The following RORA variants were observed in gnomAD, a reference collection of about 807,000 sequenced individuals.
RORA encodes RAR related orphan receptor A.
Under a neutral mutation model 69.5 loss-of-function variants are expected in RORA, and 7 were observed. The ratio of observed to expected loss-of-function variants is 0.10; its 90% CI spans 0.06 to 0.19. RORA has a LOEUF of 0.19. RORA is among the 10% of genes least tolerant of loss of function. RORA has a pLI of 1.00. For synonymous variants in RORA, 261 were observed against 240.8 expected (o/e 1.08, Z -0.78); for missense variants, 457 against 663.0 (o/e 0.69, Z 3.41).
chr15:60,614,893 C>A (rs1479077545), intron 2 of RORA: 2 of 1,611,378 alleles, frequency 1.2e-6, no homozygotes. Flanking sequence ...AAATAACGCA[C>A]CTTTTCTCAA....
At chr15:61,139,065 A>G (rs1430260325) in intron 1 of RORA, among the ~76,000 whole-genome samples, 2 of 151,920 alleles carry the variant, frequency 1.3e-5, no homozygotes, top group Non-Finnish European at 2.9e-5. Flanking sequence ...AACGGCACGA[A>G]CCCAGGAGGC....
intron 1 of RORA, among the ~76,000 whole-genome samples, chr15:60,949,961 C>G (rs1893031951): frequency 6.6e-6 from 1 of 152,172 alleles, no homozygotes; most frequent in South Asian, 2.1e-4. Context: ...CAAAGAAGAA[C>G]TTCCCACTCC....
chr15:60,893,888 G>A (rs905805590), intron 1 of RORA, among the ~76,000 whole-genome samples: 6 of 152,162 alleles, frequency 3.9e-5, no homozygotes, highest in African/African-American at 1.4e-4. Flanking sequence ...CCTGCCCAAG[G>A]TTATGTAACT....
chr15:61,179,625 C>T (rs186084047), intron 1 of RORA, among the ~76,000 whole-genome samples: 3 of 152,148 alleles, frequency 2.0e-5, no homozygotes, highest in East Asian at 3.9e-4. Flanking sequence ...AAAGGGGTCA[C>T]GAGATCAAAA....
intron 2 of RORA, among the ~76,000 whole-genome samples, chr15:60,606,971 C>T (rs940291770): frequency 6.6e-6 from 1 of 152,200 alleles, no homozygotes; most frequent in Non-Finnish European, 1.5e-5. Flanking sequence ...TTGATATTTA[C>T]TCCGAGGCTT....
intron 1 of RORA, among the ~76,000 whole-genome samples, chr15:60,822,717 G>A (rs961407273): frequency 2.0e-5 from 3 of 152,284 alleles, no homozygotes; most frequent in African/African-American, 4.8e-5. Context: ...CCTAGCATGC[G>A]CATTAGCTGC....
intron 1 of RORA, among the ~76,000 whole-genome samples, chr15:60,894,676 G>A (rs996018223): frequency 2.0e-5 from 3 of 152,152 alleles, no homozygotes; most frequent in South Asian, 2.1e-4. Flanking sequence ...CTAGACTTTC[G>A]GATTCTGCAG....
intron 5 of RORA, 126 bp from the exon 6 acceptor site, chr15:60,505,755 C>CA (rs2065480123): frequency 1.9e-6 from 2 of 1,035,750 alleles, no homozygotes; most frequent in Non-Finnish European, 2.8e-6. Context: ...ACTGTCTTTA[C>CA]ACATTTAAAC....
intron 1 of RORA, among the ~76,000 whole-genome samples, chr15:61,196,643 C>T (rs1009208202): frequency 3.9e-5 from 6 of 152,194 alleles, no homozygotes; most frequent in Admixed American, 2.0e-4. Flanking sequence ...TGAAATATGT[C>T]TCAAACAACT....
Position 60,936,777 on chromosome 15 carries a change from T to A in RORA, c.167-258091A>T, listed in dbSNP as rs115089392. 4.4e-3 allele frequency among the ~76,000 whole-genome samples: 676 copies of A among 152,352 alleles called. 4 individuals are homozygous for A. Among genetic ancestry groups the A allele is most frequent in the African/African-American group, 0.016 (657 of 41,592 alleles). On this transcript the variant is annotated intron_variant, in intron 1 of 10. Coordinates refer to ENST00000335670, the MANE Select transcript of RORA (RefSeq NM_134261.3). ...GCTAGTTAGAAAAACTAGCAGTTAT[T>A]ATTGATGAAATGTGTAAGACAGACA...
In RORA at chr15:61,031,829, G is replaced by A. The variant is rs930948165; in HGVS notation, c.166+197224C>T. Among the ~76,000 whole-genome samples, 23 of 152,276 alleles carry A rather than the reference G, an allele frequency of 1.5e-4. 1 individual carries two copies. Among genetic ancestry groups the A allele is most frequent in the Admixed American group, 1.2e-3 (19 of 15,284 alleles). On this transcript the variant is annotated intron_variant, in intron 1 of 10. Coordinates refer to ENST00000335670, the MANE Select transcript of RORA (RefSeq NM_134261.3). The stretch of plus-strand genomic sequence containing the variant: ...AGGATGACAGAAGAACCACAGGAAT[G>A]GTTAGAGACTCTTCTTATGCAAAAG...
At chr15:60,535,934 A>G (rs2066663186) in intron 2 of RORA, among the ~76,000 whole-genome samples, 1 of 152,126 alleles carries the variant, frequency 6.6e-6, no homozygotes, top group Admixed American at 6.5e-5. Flanking sequence ...ATCACTAACC[A>G]GGGCTCAAAA....
chr15:60,840,018 C>T (rs2073174855), intron 1 of RORA, among the ~76,000 whole-genome samples: 2 of 151,974 alleles, frequency 1.3e-5, no homozygotes, highest in African/African-American at 4.8e-5. Flanking sequence ...CAGGCAGGGG[C>T]TGGAGGGAGA....
In RORA at chr15:60,697,098, C is replaced by T. The variant is rs8027229; in HGVS notation, c.167-18412G>A. 3.5e-3 allele frequency among the ~76,000 whole-genome samples: 539 copies of T among 152,228 alleles called. 3 individuals carry two copies. Among genetic ancestry groups the T allele is most frequent in the African/African-American group, 0.011 (468 of 41,550 alleles). On this transcript the variant is annotated intron_variant, in intron 1 of 10. Coordinates refer to ENST00000335670, the MANE Select transcript of RORA (RefSeq NM_134261.3). ...CAAAAATGCGGGCCTGGTTTCTGAACGAGGTTTATGTTCTGCTCTCACTTT... is the reference window on the plus strand; with the variant it reads ...CAAAAATGCGGGCCTGGTTTCTGAATGAGGTTTATGTTCTGCTCTCACTTT...
chr15:60,505,012 A>G (rs1354874689), intron 6 of RORA, among the ~76,000 whole-genome samples: 1 of 152,210 alleles, frequency 6.6e-6, no homozygotes, highest in African/African-American at 2.4e-5. Flanking sequence ...GAAAAAGGCA[A>G]GTAGGGTACT....
chr15:61,044,529 T>A (rs1896933711), intron 1 of RORA, among the ~76,000 whole-genome samples: 1 of 152,206 alleles, frequency 6.6e-6, no homozygotes, highest in African/African-American at 2.4e-5. Context: ...ATATCTCAAT[T>A]TTTTTACATG....
intron 1 of RORA, among the ~76,000 whole-genome samples, chr15:61,042,320 T>C (rs978179504): frequency 6.6e-6 from 1 of 152,144 alleles, no homozygotes; most frequent in African/African-American, 2.4e-5. Flanking sequence ...ACAACAGTGG[T>C]AACCTGGAAC....
At chr15:61,145,240 G>A (rs937678672) in intron 1 of RORA, among the ~76,000 whole-genome samples, 5 of 152,124 alleles carry the variant, frequency 3.3e-5, no homozygotes, top group African/African-American at 1.2e-4. Flanking sequence ...TTTTGGAAAG[G>A]GAACTGAGCT....
At chr15:60,597,615 T>TATATATATAC (rs1398504372) in intron 2 of RORA, among the ~76,000 whole-genome samples, 1 of 47,640 alleles carries the variant, frequency 2.1e-5, no homozygotes, top group African/African-American at 1.0e-4. Context: ...TATATATATA[T>TATATATATAC]ATACATACAT....
Sources: allele counts gnomAD v4.1 joint callset (sites outside exome capture counted in the v4.1 genomes callset), GRCh38; gene constraint gnomAD v4.1.1; transcripts MANE v1.5; gene names NCBI Gene and HGNC (gene_info 2026-07-23, HGNC 2026-07-21).